Variants in CNTNAP2 observed in about 807,000 individuals in gnomAD.
CNTNAP2 encodes the protein contactin associated protein 2, also known as contactin-associated protein-like 2.
Under a neutral mutation model 155.2 loss-of-function variants are expected in CNTNAP2, and 98 were observed. The ratio of observed to expected loss-of-function variants is 0.63; its 90% CI spans 0.54 to 0.75. The LOEUF (loss-of-function observed/expected upper bound fraction) is 0.75. Among genes scored for constraint, CNTNAP2 ranks in the 30% least tolerant of loss-of-function variants. CNTNAP2 has a pLI of 0.00. For missense variants in CNTNAP2, 1,727 were observed against 1,688.1 expected (o/e 1.02, Z -0.40); for synonymous variants, 651 against 631.2 (o/e 1.03, Z -0.47).
intron 9 of CNTNAP2, among the ~76,000 whole-genome samples, chr7:147,341,321 G>A (rs370359150): frequency 6.6e-6 from 1 of 151,894 alleles, no homozygotes. Flanking sequence ...ATAGCGTTAG[G>A]AGAAATACCT....
At chr7:147,752,989 G>A (rs1455997836) in intron 13 of CNTNAP2, among the ~76,000 whole-genome samples, 1 of 152,074 alleles carries the variant, frequency 6.6e-6, no homozygotes, top group Non-Finnish European at 1.5e-5. Context: ...TTCTCTTTTA[G>A]CTACTATGAT....
At chr7:146,295,873 T>TAA (rs1362000505) in intron 1 of CNTNAP2, among the ~76,000 whole-genome samples, 1 of 128,418 alleles carries the variant, frequency 7.8e-6, no homozygotes, top group African/African-American at 3.7e-5. Flanking sequence ...AGACTCCATC[T>TAA]CAAAAAAAAA....
intron 1 of CNTNAP2, among the ~76,000 whole-genome samples, chr7:146,622,383 G>C (rs891966949): frequency 2.6e-5 from 4 of 151,896 alleles, no homozygotes; most frequent in African/African-American, 9.7e-5. Context: ...GTACTTACCA[G>C]AAACCAGTAT....
At chr7:146,577,501 A>G (rs1798543723) in intron 1 of CNTNAP2, among the ~76,000 whole-genome samples, 1 of 152,160 alleles carries the variant, frequency 6.6e-6, no homozygotes, top group South Asian at 2.1e-4. Context: ...ACAAGCTATC[A>G]CAGTTTTCAT....
intron 13 of CNTNAP2, among the ~76,000 whole-genome samples, chr7:147,902,390 T>G (rs1217031569): frequency 7.2e-6 from 1 of 139,324 alleles, no homozygotes; most frequent in African/African-American, 2.8e-5. Context: ...AGTATAGAAT[T>G]AAAAGCTTTT....
Position 148,079,881 on chromosome 7 carries a change from T to C in CNTNAP2, c.2384-38237T>C, listed in dbSNP as rs576745228. On this transcript the variant is annotated intron_variant, in intron 15 of 23. Transcript: ENST00000361727. ...CACTCCCCATCATGACCTGAACTAG[T>C]TTTTCAGGTTAACTTTGGAATGCCC... 2.1e-3 allele frequency among the ~76,000 whole-genome samples: 326 copies of C among 152,192 alleles called. 1 individual carries two copies. The highest frequency in any genetic ancestry group is 3.4e-3 in the Middle Eastern group (1 of 294).
chr7:147,562,353 T>TA, intron 12 of CNTNAP2, 96 bp downstream of exon 12: 1 of 1,447,662 alleles, frequency 6.9e-7, no homozygotes, highest in Non-Finnish European at 9.6e-7. Flanking sequence ...GCTATGTTTT[T>TA]ATCACAACAT....
At chr7:146,271,795 T>G (rs1800086542) in intron 1 of CNTNAP2, among the ~76,000 whole-genome samples, 1 of 152,100 alleles carries the variant, frequency 6.6e-6, no homozygotes, top group African/African-American at 2.4e-5. Flanking sequence ...AAAACCATGT[T>G]TATTCAGATT....
chr7:148,209,885 C>T (rs1411752716), intron 18 of CNTNAP2, among the ~76,000 whole-genome samples: 2 of 152,152 alleles, frequency 1.3e-5, no homozygotes, highest in East Asian at 1.9e-4. Flanking sequence ...GCCTCCACTA[C>T]GTTCATCCTC....
chr7:146,844,939 A>G (rs761393054), intron 3 of CNTNAP2, among the ~76,000 whole-genome samples: 2 of 152,182 alleles, frequency 1.3e-5, no homozygotes, highest in Non-Finnish European at 2.9e-5. Flanking sequence ...CTGTTTTATC[A>G]TATTTAAATT....
At chr7:147,040,659 G>A (rs1584799293) in intron 3 of CNTNAP2, among the ~76,000 whole-genome samples, 1 of 151,596 alleles carries the variant, frequency 6.6e-6, no homozygotes, top group Admixed American at 6.6e-5. Context: ...TAGGGTATCA[G>A]CATGTTGGCC....
chr7:147,349,036 T>C (rs13227072), intron 9 of CNTNAP2, among the ~76,000 whole-genome samples: 34,652 of 151,804 alleles, frequency 0.23, 4,351 homozygotes, highest in Non-Finnish European at 0.28. Flanking sequence ...TACAAAACTA[T>C]AGCTAGGTAG....
intron 13 of CNTNAP2, among the ~76,000 whole-genome samples, chr7:147,842,314 A>C (rs1798756728): frequency 1.3e-5 from 2 of 152,370 alleles, no homozygotes; most frequent in East Asian, 1.9e-4. Context: ...CAGACTAAGA[A>C]ATTTTGATAC....
At chr7:146,525,582 A>ATCTATCTC (rs1797679375) in intron 1 of CNTNAP2, among the ~76,000 whole-genome samples, 1 of 135,252 alleles carries the variant, frequency 7.4e-6, no homozygotes, top group Non-Finnish European at 1.5e-5. Flanking sequence ...CTATCTCTCT[A>ATCTATCTC]TCTATCATCT....
intron 3 of CNTNAP2, among the ~76,000 whole-genome samples, chr7:146,989,340 G>A (rs548477997): frequency 1.3e-5 from 2 of 152,226 alleles, no homozygotes; most frequent in South Asian, 4.2e-4. Flanking sequence ...TTGGGGTGAT[G>A]GGACTGAGGC....
chr7:147,676,445 A>C (rs1169763199), intron 13 of CNTNAP2, among the ~76,000 whole-genome samples: 2 of 152,000 alleles, frequency 1.3e-5, no homozygotes, highest in African/African-American at 2.4e-5. Context: ...TTTGAAGTCT[A>C]TATACATTAT....
At chr7:146,796,226 G>A (rs999602726) in intron 2 of CNTNAP2, among the ~76,000 whole-genome samples, 3 of 152,156 alleles carry the variant, frequency 2.0e-5, no homozygotes, top group Non-Finnish European at 4.4e-5. Context: ...CACCAGATTT[G>A]TATGCTTGCT....
intron 18 of CNTNAP2, among the ~76,000 whole-genome samples, chr7:148,196,234 T>G (rs1191719033): frequency 6.6e-6 from 1 of 152,190 alleles, no homozygotes; most frequent in Non-Finnish European, 1.5e-5. Flanking sequence ...TGAAAAATTT[T>G]TTTGACTGTC....
At chr7:147,413,233 A>G (rs888787168) in intron 10 of CNTNAP2, among the ~76,000 whole-genome samples, 7 of 152,190 alleles carry the variant, frequency 4.6e-5, no homozygotes, top group African/African-American at 1.7e-4. Flanking sequence ...TTCTATCGAA[A>G]AATTTACTGT....
Sources: allele counts gnomAD v4.1 joint callset (sites outside exome capture counted in the v4.1 genomes callset), GRCh38; gene constraint gnomAD v4.1.1; transcripts MANE v1.5; gene names NCBI Gene and HGNC (gene_info 2026-07-23, HGNC 2026-07-21).